SVEP1: variants seen among roughly 807,000 people sequenced by gnomAD.
The protein encoded by SVEP1 is sushi, von Willebrand factor type A, EGF and pentraxin domain-containing protein 1.
In SVEP1, 164 loss-of-function variants were observed where a neutral mutation model predicts 367.3. The ratio of observed to expected loss-of-function variants is 0.45; its 90% CI spans 0.39 to 0.51. The LOEUF (loss-of-function observed/expected upper bound fraction) is 0.51. SVEP1 is among the 20% of genes least tolerant of loss of function. The probability of loss-of-function intolerance (pLI) is 0.00; values close to 1 mark genes in which losing one functional copy is unlikely to be tolerated. For synonymous variants in SVEP1, 1,666 were observed against 1,611.6 expected (o/e 1.03, Z -0.81); for missense variants, 4,117 against 4,425.3 (o/e 0.93, Z 1.98).
intron 40 of SVEP1, among the ~76,000 whole-genome samples, chr9:110,398,702 CAAAAG>C (rs1827808634): frequency 6.6e-6 from 1 of 152,132 alleles, no homozygotes; most frequent in Admixed American, 6.5e-5. Flanking sequence ...AGACAGTTCT[CAAAAG>C]AAGACGTTTA....
rs200185221 is a variant in SVEP1, at chr9:110,573,893, CTG to C, written c.531+5118_531+5119del. Among the ~76,000 whole-genome samples the C allele has an allele frequency of 6.6e-3, 1,012 of 152,322 alleles. 8 individuals are homozygous for C. The highest frequency in any genetic ancestry group is 0.023 in the African/African-American group (961 of 41,580). On this transcript the variant is annotated intron_variant, in intron 1 of 47. Coordinates refer to ENST00000374469, the MANE Select transcript of SVEP1 (RefSeq NM_153366.4). ...GCTAAACTTTCCCCCAGGCTATTGA[CTG>C]TGTACTAATTACAGAATTCACTGCT... is the stretch of plus-strand genomic sequence containing the variant.
At position 110,579,469 on chromosome 9, in the gene SVEP1, G is replaced by C; in HGVS notation, c.75C>G (p.Ser25=). 1 of 1,603,698 alleles carries C rather than the reference G, an allele frequency of 6.2e-7. No homozygotes were observed. The highest frequency in any genetic ancestry group is 1.7e-5 in the Admixed American group (1 of 59,150). ...GGCGGAAGCTGAAATTGCGCGACGG[G>C]GACATCTGCTGAAAGGTCGCCCAGC... ...VSGWATFQQM[S]PSRNFSFRLF... Residue 25 remains serine (S), a synonymous_variant, in exon 1 of 48, where the codon TCC becomes TCG. Coordinates refer to ENST00000374469, the MANE Select transcript of SVEP1 (RefSeq NM_153366.4). The surrounding 1 kb of genome is among the most constrained non-coding windows in gnomAD (Gnocchi z 5.3).
At chr9:110,510,595 G>C (rs1214174199) in intron 5 of SVEP1, among the ~76,000 whole-genome samples, 1 of 152,196 alleles carries the variant, frequency 6.6e-6, no homozygotes, top group Non-Finnish European at 1.5e-5. Flanking sequence ...CTTCCTGAGA[G>C]AGCATGGCTA....
intron 3 of SVEP1, among the ~76,000 whole-genome samples, chr9:110,536,130 A>G (rs1830076261): frequency 6.6e-6 from 1 of 152,092 alleles, no homozygotes; most frequent in South Asian, 2.1e-4. Context: ...TGCTTCTTCA[A>G]TATCAAGTTT....
intron 1 of SVEP1, among the ~76,000 whole-genome samples, chr9:110,552,024 C>CTTTTTTTTT (rs34366561): frequency 2.6e-5 from 2 of 77,002 alleles, no homozygotes; most frequent in Non-Finnish European, 4.8e-5. Flanking sequence ...GGTACCCAAC[C>CTTTTTTTTT]TTTTTTTTTT....
At chr9:110,492,212 GA>G (rs1829376263) in intron 8 of SVEP1, among the ~76,000 whole-genome samples, 1 of 152,006 alleles carries the variant, frequency 6.6e-6, no homozygotes, top group Admixed American at 6.6e-5. Context: ...ATGGTGTGAA[GA>G]ACTGTCAGCA....
At chr9:110,532,921 T>C (rs1412925603) in intron 3 of SVEP1, among the ~76,000 whole-genome samples, 1 of 152,168 alleles carries the variant, frequency 6.6e-6, no homozygotes, top group African/African-American at 2.4e-5. Context: ...TACCAGGGAC[T>C]GGTTTCATGG....
At chr9:110,479,351 C>T (rs116518423) in intron 13 of SVEP1, among the ~76,000 whole-genome samples, 4,281 of 152,226 alleles carry the variant, frequency 0.028, 188 homozygotes, top group African/African-American at 0.098. Flanking sequence ...CAATGTTTGG[C>T]ATTTTTGTCA....
At chr9:110,415,364 C>A (rs1468883740) in intron 36 of SVEP1, among the ~76,000 whole-genome samples, 1 of 152,018 alleles carries the variant, frequency 6.6e-6, no homozygotes, top group Non-Finnish European at 1.5e-5. Flanking sequence ...ACATGGTAAG[C>A]ATGTGGCTTA....
Position 110,411,512 on chromosome 9 carries a change from A to T in SVEP1, c.6199T>A (p.Trp2067Arg). The T allele has an allele frequency of 6.2e-7, 1 of 1,614,042 alleles. No homozygotes were observed. Among genetic ancestry groups the T allele is most frequent in the Non-Finnish European group, 8.5e-7 (1 of 1,179,898 alleles). Reference sequence around the variant, plus strand: ...ATGTCTTGACCTTCTGGGGGTACCCACTTGCCCTGGGCATTGCAGAGAAGC... The same window carrying T: ...ATGTCTTGACCTTCTGGGGGTACCCTCTTGCCCTGGGCATTGCAGAGAAGC... ...SQLLCNAQGK[W>R]VPPEGQDMPR... The change falls in exon 37 of 48, where the codon TGG (tryptophan) becomes AGG (arginine). Residue 2067 changes from tryptophan (W) to arginine (R), a missense_variant. Physicochemically the swap from Trp to Arg is moderately radical, Grantham distance 101. Transcript: ENST00000374469.
chr9:110,493,183 A>C (rs1829395971), intron 8 of SVEP1, among the ~76,000 whole-genome samples: 1 of 151,574 alleles, frequency 6.6e-6, no homozygotes. Context: ...GCCAGAATGC[A>C]CCTTCATGGC....
chr9:110,482,428 T>A lies in SVEP1; in HGVS notation c.2103A>T (p.Ile701=), dbSNP rs769463128. ...AGGGGTCAGTGGCTGTATACTGTAC[T>A]ATAGTCTCCCCTTGAGGGAAAAGGT... ...QGDLFPQGET[I]VQYTATDPSG... The change falls in exon 11 of 48, where the codon ATA becomes ATT. Residue 701 remains isoleucine (I), a synonymous_variant. Transcript: ENST00000374469. 8.1e-6 allele frequency: 13 copies of A among 1,608,934 alleles called. No homozygotes were observed. The South Asian group carries it at 1.4e-4, about 18-fold the overall frequency.
intron 19 of SVEP1, 136 bp downstream of exon 19, chr9:110,458,816 C>T (rs1424449948): frequency 7.2e-6 from 8 of 1,107,308 alleles, no homozygotes; most frequent in Non-Finnish European, 1.0e-5. Context: ...ATCAAAAATA[C>T]CTCAGAAGGA....
rs777368101 is a variant in SVEP1, at chr9:110,429,964, G to A, written c.5571C>T (p.Cys1857=). ...CAAAAGTAAATGCTAACTCCTCAAT[G>A]CAACCATTTTCTGGAATAGCCGGTT... is the stretch of plus-strand genomic sequence containing the variant. ...CGKPAIPENG[C]IEELAFTFGS... Residue 1857 remains cysteine, a synonymous_variant, in exon 34 of 48, where the codon TGC becomes TGT. Coordinates refer to ENST00000374469, the MANE Select transcript of SVEP1 (RefSeq NM_153366.4). 3 of 1,612,664 alleles carry A rather than the reference G, an allele frequency of 1.9e-6. No individual in the cohort carries two copies. Among genetic ancestry groups the A allele is most frequent in the South Asian group, 2.2e-5 (2 of 91,058 alleles).
At chr9:110,441,969 C>T (rs1316481272) in intron 27 of SVEP1, among the ~76,000 whole-genome samples, 2 of 152,166 alleles carry the variant, frequency 1.3e-5, no homozygotes, top group Non-Finnish European at 2.9e-5. Flanking sequence ...CCATGTCCGC[C>T]CTCTCTACCT....
intron 36 of SVEP1, 114 bp downstream of exon 36, chr9:110,427,475 CTT>C (rs1828273146): frequency 2.4e-6 from 3 of 1,267,606 alleles, no homozygotes; most frequent in Middle Eastern, 2.8e-4. Context: ...ATAAGGCTCT[CTT>C]TGTCTTTGGC....
At position 110,545,972 on chromosome 9, in the gene SVEP1, C is replaced by CTG. The variant is rs1830215335; in HGVS notation, c.964+142_964+143insCA. The CTG allele has an allele frequency of 6.7e-6, 7 of 1,041,692 alleles. No individual in the cohort carries two copies. The South Asian group carries it at 1.1e-4, about 17-fold the overall frequency. 64.5% of individuals were successfully genotyped at this position (1,041,692 alleles called of 1,614,324 possible). ...CGCTGATGGCAAATAAATGAGTCAG[C>CTG]ACAGCTGAAGCCCCAAAGAGATGTG... is the stretch of plus-strand genomic sequence containing the variant. On this transcript the variant is annotated intron_variant, in intron 3 of 47. Coordinates refer to ENST00000374469, the MANE Select transcript of SVEP1 (RefSeq NM_153366.4).
chr9:110,560,185 C>T (rs1330123730), intron 1 of SVEP1, among the ~76,000 whole-genome samples: 1 of 152,154 alleles, frequency 6.6e-6, no homozygotes, highest in Non-Finnish European at 1.5e-5. Context: ...TTACAATTGT[C>T]CACAGTATTC....
intron 3 of SVEP1, among the ~76,000 whole-genome samples, chr9:110,539,462 T>G (rs1432526576): frequency 1.3e-5 from 2 of 152,050 alleles, no homozygotes; most frequent in Non-Finnish European, 1.5e-5. Flanking sequence ...ATGACCAGAT[T>G]TGAATTTTAT....
Sources: allele counts gnomAD v4.1 joint callset (sites outside exome capture counted in the v4.1 genomes callset), GRCh38; gene constraint gnomAD v4.1.1; non-coding constraint Gnocchi (gnomAD v3.1); transcripts MANE v1.5; gene names NCBI Gene and HGNC (gene_info 2026-07-23, HGNC 2026-07-21).